Variants in MRTFB observed in about 807,000 individuals in gnomAD.
MRTFB encodes myocardin related transcription factor B.
MRTFB carries 29 observed loss-of-function variants against 104.2 expected under a neutral mutation model. The observed-to-expected ratio is 0.28, with a 90% CI of 0.21 to 0.38. The LOEUF (loss-of-function observed/expected upper bound fraction) is 0.38. MRTFB is among the 10% of genes least tolerant of loss of function. The probability of loss-of-function intolerance (pLI) is 1.00; values close to 1 mark genes in which losing one functional copy is unlikely to be tolerated. For synonymous variants in MRTFB, 535 were observed against 519.5 expected (o/e 1.03, Z -0.41); for missense variants, 1,270 against 1,341.6 (o/e 0.95, Z 0.83).
intron 8 of MRTFB, among the ~76,000 whole-genome samples, chr16:14,228,996 G>T (rs992041225): frequency 1.3e-5 from 2 of 152,230 alleles, no homozygotes; most frequent in African/African-American, 4.8e-5. Context: ...GGTTCCGGTA[G>T]TGATGGTTGC....
chr16:14,102,205 T>C (rs1376828961), intron 2 of MRTFB, among the ~76,000 whole-genome samples: 1 of 151,310 alleles, frequency 6.6e-6, no homozygotes, highest in African/African-American at 2.4e-5. Flanking sequence ...GCTCCTTTGA[T>C]AGTTTGATTT....
chr16:14,005,238 C>G, the MRTFB span, among the ~76,000 whole-genome samples: 42 of 152,222 alleles, frequency 2.8e-4, no homozygotes, highest in Non-Finnish European at 3.8e-4. Context: ...AGGGAGCTCT[C>G]TTCAGAAGCC....
chr16:14,137,222 C>G (rs921761599), intron 2 of MRTFB, among the ~76,000 whole-genome samples: 17 of 152,074 alleles, frequency 1.1e-4, no homozygotes, highest in Non-Finnish European at 4.4e-5. Flanking sequence ...GTAGATTAGT[C>G]TATACCCTCT....
Position 14,149,782 on chromosome 16 carries a change from C to G in MRTFB, c.154+9022C>G, listed in dbSNP as rs143783297. On this transcript the variant is annotated intron_variant, in intron 3 of 16. Transcript: ENST00000571589. ...CACAAAGATCTTTAAAAGACATTTC[C>G]CTGACTGTATACAGAAAAATGATTG... Among the ~76,000 whole-genome samples the G allele has an allele frequency of 1.2e-4, 18 of 152,048 alleles. No individual in the cohort carries two copies. The East Asian group carries it at 3.1e-3, about 26-fold the overall frequency.
chr16:14,065,445 TTTAA>T, the MRTFB span, among the ~76,000 whole-genome samples: 1 of 152,188 alleles, frequency 6.6e-6, no homozygotes, highest in African/African-American at 2.4e-5. Context: ...TTTGGATGCT[TTTAA>T]TTTCTTTCTC....
In MRTFB at chr16:14,249,022, C is replaced by G; in HGVS notation, c.2344C>G (p.Pro782Ala). The G allele has an allele frequency of 1.9e-6, 3 of 1,614,164 alleles. No homozygotes were observed. The highest frequency in any genetic ancestry group is 2.5e-6 in the Non-Finnish European group (3 of 1,180,014). The change falls in exon 13 of 17, where the codon CCT becomes GCT. Residue 782 changes from proline (P) to alanine (A), a missense_variant. Coordinates refer to ENST00000571589, the MANE Select transcript of MRTFB (RefSeq NM_001308142.2). ...ALASGLAPTV[P>A]QTQDTFPQHV... ...GGCCTCAGGCTTGGCCCCAACTGTA[C>G]CTCAGACACAAGACACGTTCCCGCA...
chr16:14,204,215 A>G (rs1178281760), intron 3 of MRTFB, among the ~76,000 whole-genome samples: 2 of 152,098 alleles, frequency 1.3e-5, no homozygotes, highest in Non-Finnish European at 2.9e-5. Context: ...GTCTCAAGCC[A>G]TCCTCCCTCT....
chr16:14,078,080 T>A (rs2034172594), intron 1 of MRTFB, among the ~76,000 whole-genome samples: 1 of 152,114 alleles, frequency 6.6e-6, no homozygotes, highest in South Asian at 2.1e-4. Context: ...GGAACCCCAT[T>A]CCTCCCACCC....
At chr16:14,048,382 G>T in the MRTFB span, among the ~76,000 whole-genome samples, 2 of 152,212 alleles carry the variant, frequency 1.3e-5, no homozygotes, top group African/African-American at 4.8e-5. Context: ...GAGACCTCGT[G>T]ACCCAGAGCC....
intron 3 of MRTFB, among the ~76,000 whole-genome samples, chr16:14,157,884 A>C (rs181063571): frequency 6.7e-6 from 1 of 149,824 alleles, no homozygotes; most frequent in African/African-American, 2.5e-5. Context: ...AGAATATATC[A>C]TATTCTATTT....
At chr16:14,099,995 C>G (rs1289783716) in intron 2 of MRTFB, among the ~76,000 whole-genome samples, 1 of 152,102 alleles carries the variant, frequency 6.6e-6, no homozygotes, top group African/African-American at 2.4e-5. Flanking sequence ...TCACTACTAG[C>G]TTTTTTTGTA....
In MRTFB at chr16:14,245,680, C is replaced by G. The variant is rs1173975389; in HGVS notation, c.1212+20C>G. ...TTAAAGGTGACAATTGCAACTGGAG[C>G]TTATTCACCCCTAAGTACCACAAAC... On this transcript the variant is annotated intron_variant, in intron 11 of 16. Coordinates refer to ENST00000571589, the MANE Select transcript of MRTFB (RefSeq NM_001308142.2). The G allele has an allele frequency of 6.2e-7, 1 of 1,603,846 alleles. No individual in the cohort carries two copies. The highest frequency in any genetic ancestry group is 8.5e-7 in the Non-Finnish European group (1 of 1,177,360).
intron 2 of MRTFB, among the ~76,000 whole-genome samples, chr16:14,120,632 C>G (rs2036797524): frequency 6.6e-6 from 1 of 152,190 alleles, no homozygotes; most frequent in Non-Finnish European, 1.5e-5. Flanking sequence ...GTTTATAATA[C>G]ATTCTTTTAA....
chr16:14,207,408 T>A (rs2040997551), intron 3 of MRTFB, among the ~76,000 whole-genome samples: 1 of 152,246 alleles, frequency 6.6e-6, no homozygotes, highest in Admixed American at 6.5e-5. Context: ...ATATGTGTTC[T>A]TTGTCTTGGG....
At chr16:14,245,437 C>T in intron 10 of MRTFB, 91 bp from the exon 11 acceptor site, 1 of 1,101,130 alleles carries the variant, frequency 9.1e-7, no homozygotes. Flanking sequence ...TGGTATTTTT[C>T]TCTTCATAAG....
intron 3 of MRTFB, among the ~76,000 whole-genome samples, chr16:14,195,806 A>AT (rs1003299681): frequency 3.3e-5 from 5 of 152,096 alleles, no homozygotes; most frequent in African/African-American, 1.2e-4. Flanking sequence ...GGAGTGTAGA[A>AT]TTTTTTATTG....
At chr16:14,039,830 C>A in the MRTFB span, among the ~76,000 whole-genome samples, 1 of 150,464 alleles carries the variant, frequency 6.6e-6, no homozygotes, top group Non-Finnish European at 1.5e-5. Flanking sequence ...CTCACTGCAA[C>A]CTCCGCCTCC....
At chr16:14,165,213 A>C (rs1364885535) in intron 3 of MRTFB, among the ~76,000 whole-genome samples, 1 of 151,800 alleles carries the variant, frequency 6.6e-6, no homozygotes, top group Non-Finnish European at 1.5e-5. Context: ...AGTCCTCATG[A>C]CCAGTTGAGG....
chr16:14,168,418 G>GT (rs1246935553), intron 3 of MRTFB, among the ~76,000 whole-genome samples: 17 of 152,160 alleles, frequency 1.1e-4, no homozygotes, highest in African/African-American at 3.6e-4. Flanking sequence ...GCCCCTCTGA[G>GT]ACAGCTACTG....
Sources: allele counts gnomAD v4.1 joint callset (sites outside exome capture counted in the v4.1 genomes callset), GRCh38; gene constraint gnomAD v4.1.1; transcripts MANE v1.5; gene names NCBI Gene and HGNC (gene_info 2026-07-23, HGNC 2026-07-21).